The following IQCM variants were observed in gnomAD, a reference collection of about 807,000 sequenced individuals.
IQCM encodes the protein IQ motif containing M.
Under a neutral mutation model 57.6 loss-of-function variants are expected in IQCM, and 45 were observed. That is an observed-to-expected ratio of 0.78 (90% CI 0.62 to 1.00). The LOEUF (loss-of-function observed/expected upper bound fraction) is 1.00. IQCM is among the 50% of genes least tolerant of loss of function. The pLI, the probability that IQCM is intolerant of heterozygous loss-of-function variation, is 0.00. For synonymous variants in IQCM, 148 were observed against 158.9 expected, an observed-to-expected ratio of 0.93 and a Z score of 0.51; for missense variants, 468 against 511.6, an observed-to-expected ratio of 0.91 and a Z score of 0.82.
intron 7 of IQCM, among the ~76,000 whole-genome samples, chr4:149,677,136 TTCACCA>T (rs1761821732): frequency 6.6e-6 from 1 of 152,064 alleles, no homozygotes; most frequent in Admixed American, 6.6e-5. Flanking sequence ...GAAGAGCTTA[TTCACCA>T]TCTTGGGTTC....
At chr4:149,587,897 A>G in intron 9 of IQCM, 33 bp downstream of exon 9, 3 of 1,039,462 alleles carry the variant, frequency 2.9e-6, no homozygotes, top group Non-Finnish European at 3.7e-6. Flanking sequence ...TGAGTGCATT[A>G]ATTTACACTT....
At chr4:149,649,970 C>T (rs1004817465) in intron 7 of IQCM, among the ~76,000 whole-genome samples, 1 of 152,066 alleles carries the variant, frequency 6.6e-6, no homozygotes, top group Non-Finnish European at 1.5e-5. Context: ...GTTTCACAAG[C>T]CTTGCTTATC....
chr4:149,559,925 C>T (rs1749957120), intron 10 of IQCM, among the ~76,000 whole-genome samples: 1 of 152,196 alleles, frequency 6.6e-6, no homozygotes, highest in Non-Finnish European at 1.5e-5. Flanking sequence ...AGCTAGAACC[C>T]TATTGTGAAC....
At chr4:149,446,360 T>C (rs1190296525) in intron 12 of IQCM, among the ~76,000 whole-genome samples, 2 of 151,752 alleles carry the variant, frequency 1.3e-5, no homozygotes. Flanking sequence ...ATGATGCTAC[T>C]TTTATTTAAT....
In IQCM at chr4:149,686,372, C is replaced by T. The variant is rs115274955; in HGVS notation, c.476+6G>A. 0.017 allele frequency: 19,931 copies of T among 1,162,496 alleles called. 193 individuals are homozygous for T. Among genetic ancestry groups the T allele is most frequent in the Middle Eastern group, 0.024 (73 of 3,058 alleles). The allele number at this position is 1,162,496 out of a possible 1,614,324, so 72.0% of individuals were successfully genotyped here. A position where few individuals can be genotyped will look rare whatever the true frequency, so the allele number is the denominator to read the frequency against. ...ATTTTCTATAGGTTAGCTAATTATACATTACCTGGACTCCTCAAAGTGCTG... is the reference window on the plus strand; with the variant it reads ...ATTTTCTATAGGTTAGCTAATTATATATTACCTGGACTCCTCAAAGTGCTG... On this transcript the variant is annotated splice_donor_region_variant and intron_variant, in intron 6 of 13. Coordinates refer to ENST00000636793, the MANE Select transcript of IQCM (RefSeq NM_001363507.2).
intron 5 of IQCM, among the ~76,000 whole-genome samples, chr4:149,714,317 T>C (rs1764812330): frequency 6.6e-6 from 1 of 152,162 alleles, no homozygotes. Context: ...AAAATCTAAA[T>C]ACTCCACAGC....
intron 13 of IQCM, among the ~76,000 whole-genome samples, chr4:149,362,769 C>T (rs992328156): frequency 3.3e-5 from 5 of 152,288 alleles, no homozygotes; most frequent in South Asian, 2.1e-4. Context: ...CTTGAACTTA[C>T]GTTTTGTGTA....
intron 13 of IQCM, among the ~76,000 whole-genome samples, chr4:149,352,580 G>T (rs1161373996): frequency 6.6e-6 from 1 of 152,106 alleles, no homozygotes; most frequent in African/African-American, 2.4e-5. Flanking sequence ...TTTATATAAA[G>T]GACTTAAGCA....
chr4:149,471,254 C>G (rs1021384156), intron 12 of IQCM, among the ~76,000 whole-genome samples: 7 of 152,166 alleles, frequency 4.6e-5, no homozygotes, highest in Admixed American at 6.5e-5. Context: ...AGAGAAGAAT[C>G]AAATAGACAC....
intron 5 of IQCM, among the ~76,000 whole-genome samples, chr4:149,726,665 T>C (rs963474974): frequency 6.6e-6 from 1 of 152,200 alleles, no homozygotes; most frequent in Non-Finnish European, 1.5e-5. Context: ...TATGTAGCTA[T>C]GAGCACTTGA....
At chr4:149,596,820 T>C (rs544389290) in intron 8 of IQCM, among the ~76,000 whole-genome samples, 7 of 152,292 alleles carry the variant, frequency 4.6e-5, no homozygotes, top group African/African-American at 1.7e-4. Flanking sequence ...ACCTTAGTAG[T>C]GCCCTAAAGC....
At chr4:149,738,815 TA>T (rs1178242585) in intron 3 of IQCM, among the ~76,000 whole-genome samples, 14 of 152,292 alleles carry the variant, frequency 9.2e-5, no homozygotes, top group Admixed American at 5.9e-4. Context: ...CTACCATCAC[TA>T]AAAAGTGGCC....
chr4:149,355,617 C>A (rs1162010165), intron 13 of IQCM, among the ~76,000 whole-genome samples: 1 of 152,062 alleles, frequency 6.6e-6, no homozygotes, highest in Non-Finnish European at 1.5e-5. Context: ...TGTATTTGTG[C>A]CATATTTTCT....
chr4:149,444,715 T>C (rs1404484757), intron 12 of IQCM, among the ~76,000 whole-genome samples: 1 of 151,494 alleles, frequency 6.6e-6, no homozygotes, highest in Non-Finnish European at 1.5e-5. Context: ...TAAGATAAAA[T>C]GAATCGAAGG....
chr4:149,490,754 C>T (rs1255253191), intron 12 of IQCM, among the ~76,000 whole-genome samples: 1 of 152,066 alleles, frequency 6.6e-6, no homozygotes, highest in Non-Finnish European at 1.5e-5. Context: ...CAGCAACCAT[C>T]CCATGAAAAT....
At chr4:149,804,735 C>T (rs983568524) in intron 2 of IQCM, among the ~76,000 whole-genome samples, 1 of 152,028 alleles carries the variant, frequency 6.6e-6, no homozygotes, top group Non-Finnish European at 1.5e-5. Flanking sequence ...TTAATTCTAA[C>T]TTCTATCGTG....
intron 12 of IQCM, among the ~76,000 whole-genome samples, chr4:149,480,775 C>A (rs1431769553): frequency 1.3e-5 from 2 of 152,044 alleles, no homozygotes; most frequent in Non-Finnish European, 1.5e-5. Context: ...GGGTATGTAC[C>A]CAGCAGTGGG....
At chr4:149,746,832 C>T (rs955028880) in intron 2 of IQCM, among the ~76,000 whole-genome samples, 6 of 152,166 alleles carry the variant, frequency 3.9e-5, no homozygotes, top group African/African-American at 1.4e-4. Context: ...GGCAAGAGTT[C>T]GTGCCTCCCT....
intron 3 of IQCM, among the ~76,000 whole-genome samples, chr4:149,740,449 TAA>T (rs1353519684): frequency 2.6e-5 from 4 of 152,180 alleles, no homozygotes; most frequent in Non-Finnish European, 5.9e-5. Flanking sequence ...GACAGTCAGT[TAA>T]GATAGGCACT....
Sources: allele counts gnomAD v4.1 joint callset (sites outside exome capture counted in the v4.1 genomes callset), GRCh38; gene constraint gnomAD v4.1.1; transcripts MANE v1.5; gene names NCBI Gene and HGNC (gene_info 2026-07-23, HGNC 2026-07-21).